The following SLC22A16 variants were observed in gnomAD, a reference collection of about 807,000 sequenced individuals.
The protein encoded by SLC22A16 is solute carrier family 22 member 16.
A neutral mutation model predicts 52.9 loss-of-function variants in SLC22A16; 53 were observed. The observed-to-expected ratio is 1.00, with a 90% CI of 0.80 to 1.26. The LOEUF (loss-of-function observed/expected upper bound fraction) is 1.26, where lower values mean the gene tolerates loss of function less well. Ranked by LOEUF, SLC22A16 falls within the 50% of genes most tolerant of loss-of-function variation. SLC22A16 has a pLI of 0.00. For synonymous variants in SLC22A16, 291 were observed against 268.8 expected (o/e 1.08, Z -0.81); for missense variants, 726 against 704.0 (o/e 1.03, Z -0.35).
chr6:110,436,026 T>A, intron 5 of SLC22A16, 65 bp from the exon 6 acceptor site: 3 of 1,026,368 alleles, frequency 2.9e-6, no homozygotes, highest in Middle Eastern at 2.1e-4. Context: ...AGAAAATCTT[T>A]AAAATCATTA....
chr6:110,447,079 C>T (rs962690748), intron 2 of SLC22A16, 89 bp from the exon 3 acceptor site: 7 of 976,088 alleles, frequency 7.2e-6, no homozygotes, highest in Non-Finnish European at 1.1e-5. Flanking sequence ...ATAGGCATTA[C>T]CTATATACCT....
chr6:110,450,503 T>G (rs1775334490), intron 2 of SLC22A16, among the ~76,000 whole-genome samples: 1 of 149,554 alleles, frequency 6.7e-6, no homozygotes, highest in Admixed American at 6.7e-5. Context: ...TCCCAGCTAC[T>G]CGGGAGGCTG....
chr6:110,475,947 G>T (rs766928651), intron 1 of SLC22A16: 3 of 456,408 alleles, frequency 6.6e-6, no homozygotes, highest in Non-Finnish European at 1.3e-5. Context: ...CACCTCCTTT[G>T]CAGGGTCCCG....
At chr6:110,463,872 A>T (rs966336534) in intron 1 of SLC22A16, among the ~76,000 whole-genome samples, 1 of 151,854 alleles carries the variant, frequency 6.6e-6, no homozygotes, top group Non-Finnish European at 1.5e-5. Context: ...ATTCTCTAAA[A>T]TTCACCATAT....
chr6:110,457,407 C>T (rs1378639410), intron 1 of SLC22A16, among the ~76,000 whole-genome samples: 1 of 152,140 alleles, frequency 6.6e-6, no homozygotes, highest in African/African-American at 2.4e-5. Flanking sequence ...AGGATAAGGG[C>T]ATATGAAAGG....
chr6:110,472,890 G>A (rs899251860), intron 1 of SLC22A16, among the ~76,000 whole-genome samples: 6 of 152,204 alleles, frequency 3.9e-5, no homozygotes, highest in African/African-American at 9.7e-5. Context: ...TCTGAGTGAC[G>A]GATGAAGAAA....
intron 2 of SLC22A16, among the ~76,000 whole-genome samples, chr6:110,447,276 A>G (rs1775214550): frequency 6.6e-6 from 1 of 151,894 alleles, no homozygotes; most frequent in Non-Finnish European, 1.5e-5. Flanking sequence ...GAGAGGAGAG[A>G]ATTTGTCCTC....
intron 1 of SLC22A16, among the ~76,000 whole-genome samples, chr6:110,460,048 T>C (rs1281492164): frequency 1.3e-5 from 2 of 152,150 alleles, no homozygotes; most frequent in Non-Finnish European, 2.9e-5. Flanking sequence ...CCAACATTCC[T>C]ATAAAACCAT....
chr6:110,436,379 C>A (rs771942548), intron 5 of SLC22A16, among the ~76,000 whole-genome samples: 30 of 152,116 alleles, frequency 2.0e-4, no homozygotes, highest in Non-Finnish European at 3.7e-4. Flanking sequence ...AATCCCAGCA[C>A]TTTAGGAGGC....
In SLC22A16 at chr6:110,430,201, G is replaced by A. The variant is rs533790879; in HGVS notation, c.1521+970C>T. ...TTGAAGGAGAATGTGAGGATTTGGT[G>A]ATGAAAGAACAGGATGAATAAGAAG... On this transcript the variant is annotated intron_variant, in intron 7 of 7. Transcript: ENST00000368919. 5.3e-5 allele frequency among the ~76,000 whole-genome samples: 8 copies of A among 152,050 alleles called. 1 individual carries two copies. Among genetic ancestry groups the A allele is most frequent in the African/African-American group, 1.7e-4 (7 of 41,480 alleles).
chr6:110,441,355 C>A (rs1053091340), intron 4 of SLC22A16, among the ~76,000 whole-genome samples: 1 of 152,192 alleles, frequency 6.6e-6, no homozygotes, highest in Non-Finnish European at 1.5e-5. Flanking sequence ...AAGGGCAGAA[C>A]TTCCCATGGA....
chr6:110,464,116 T>C (rs186185608), intron 1 of SLC22A16, among the ~76,000 whole-genome samples: 22 of 151,970 alleles, frequency 1.4e-4, no homozygotes, highest in Non-Finnish European at 8.8e-5. Context: ...AGACACAACA[T>C]ACCAAAACCT....
chr6:110,472,692 C>A (rs1490951596), intron 1 of SLC22A16, among the ~76,000 whole-genome samples: 1 of 152,154 alleles, frequency 6.6e-6, no homozygotes, highest in African/African-American at 2.4e-5. Context: ...ACATCACTCT[C>A]TCTTTTACAA....
intron 6 of SLC22A16, among the ~76,000 whole-genome samples, chr6:110,434,462 G>C (rs1272758442): frequency 2.0e-5 from 3 of 152,110 alleles, no homozygotes; most frequent in Non-Finnish European, 4.4e-5. Context: ...AGGAGCACTG[G>C]GGGGATTCCA....
At chr6:110,466,421 A>G (rs1269621474) in intron 1 of SLC22A16, among the ~76,000 whole-genome samples, 1 of 151,134 alleles carries the variant, frequency 6.6e-6, no homozygotes, top group African/African-American at 2.5e-5. Flanking sequence ...GAATCCATAA[A>G]GAACTCAAAT....
chr6:110,470,243 T>C (rs1776214553), intron 1 of SLC22A16, among the ~76,000 whole-genome samples: 1 of 152,164 alleles, frequency 6.6e-6, no homozygotes, highest in African/African-American at 2.4e-5. Context: ...CATATGAATA[T>C]GACTGGAAAT....
chr6:110,437,951 T>C (rs1049254302), intron 5 of SLC22A16, among the ~76,000 whole-genome samples: 2 of 152,122 alleles, frequency 1.3e-5, no homozygotes, highest in Admixed American at 6.5e-5. Context: ...TGAAAAACAG[T>C]GTACTGAAAC....
intron 6 of SLC22A16, among the ~76,000 whole-genome samples, chr6:110,432,132 G>A (rs954132680): frequency 3.9e-5 from 6 of 152,206 alleles, no homozygotes; most frequent in East Asian, 3.9e-4. Context: ...ATAAATTAAC[G>A]GTGCCTCATC....
chr6:110,441,927 T>A (rs1039427942), intron 4 of SLC22A16, among the ~76,000 whole-genome samples: 3 of 152,206 alleles, frequency 2.0e-5, no homozygotes, highest in Non-Finnish European at 4.4e-5. Context: ...CTCAGTTTTT[T>A]AAGGATGGAA....
Sources: gnomAD v4.1 joint callset for allele counts (sites outside exome capture counted in the v4.1 genomes callset) on GRCh38, gnomAD v4.1.1 for gene constraint, MANE v1.5 for transcripts, NCBI Gene and HGNC (gene_info 2026-07-23, HGNC 2026-07-21) for gene names.